FSTL5: variants seen among roughly 807,000 people sequenced by gnomAD.
FSTL5 encodes follistatin-related protein 5.
In FSTL5, 62 loss-of-function variants were observed where a neutral mutation model predicts 89.1. That is an observed-to-expected ratio of 0.70 (90% confidence interval 0.57 to 0.86). FSTL5 has a LOEUF of 0.86. Among genes scored for constraint, FSTL5 ranks in the 40% least tolerant of loss-of-function variants. The pLI is 0.00. For synonymous variants in FSTL5, 383 were observed against 346.2 expected (o/e 1.11, Z -1.18); for missense variants, 1,057 against 1,001.6 (o/e 1.06, Z -0.75).
At chr4:161,613,692 C>T (rs1734738426) in intron 7 of FSTL5, among the ~76,000 whole-genome samples, 1 of 152,122 alleles carries the variant, frequency 6.6e-6, no homozygotes, top group South Asian at 2.1e-4. Flanking sequence ...CATCTATTCA[C>T]CTGATCTTTT....
chr4:162,037,466 A>G (rs1019685000), intron 2 of FSTL5, among the ~76,000 whole-genome samples: 1 of 151,956 alleles, frequency 6.6e-6, no homozygotes, highest in African/African-American at 2.4e-5. Context: ...TCACACATAC[A>G]GCTTGGTATG....
intron 7 of FSTL5, among the ~76,000 whole-genome samples, chr4:161,646,942 T>G (rs1736174050): frequency 6.6e-6 from 1 of 152,168 alleles, no homozygotes; most frequent in South Asian, 2.1e-4. Flanking sequence ...TTTCTCTACT[T>G]CCATACATTG....
chr4:161,638,053 G>A (rs1284623846), intron 7 of FSTL5, among the ~76,000 whole-genome samples: 1 of 151,632 alleles, frequency 6.6e-6, no homozygotes, highest in East Asian at 2.0e-4. Context: ...ATTACCTTGG[G>A]CAGTATGGCC....
At chr4:161,415,673 GAGAGAGAA>G (rs1364565377) in intron 15 of FSTL5, among the ~76,000 whole-genome samples, 35 of 147,690 alleles carry the variant, frequency 2.4e-4, no homozygotes, top group African/African-American at 5.7e-4. Flanking sequence ...TAGAGAGAGA[GAGAGAGAA>G]AGAGAGAGAA....
chr4:161,872,259 T>C (rs1732297667), intron 4 of FSTL5, among the ~76,000 whole-genome samples: 1 of 150,102 alleles, frequency 6.7e-6, no homozygotes, highest in Non-Finnish European at 1.5e-5. Context: ...GCATGAGCCA[T>C]TGTGCCCAGC....
intron 1 of FSTL5, among the ~76,000 whole-genome samples, chr4:162,139,930 A>G (rs968470231): frequency 2.0e-5 from 3 of 152,178 alleles, no homozygotes; most frequent in Non-Finnish European, 1.5e-5. Flanking sequence ...TTGTATCAAC[A>G]GCATGAGATC....
chr4:162,023,309 A>G (rs559104125), intron 3 of FSTL5, among the ~76,000 whole-genome samples: 68 of 152,290 alleles, frequency 4.5e-4, no homozygotes, highest in Admixed American at 1.6e-3. Context: ...TCAACACTTA[A>G]GTCTGAATAA....
At chr4:161,711,113 A>G (rs1187701572) in intron 6 of FSTL5, among the ~76,000 whole-genome samples, 1 of 151,028 alleles carries the variant, frequency 6.6e-6, no homozygotes, top group Non-Finnish European at 1.5e-5. Flanking sequence ...TTTAATTAAT[A>G]ACCTAATCTT....
intron 4 of FSTL5, among the ~76,000 whole-genome samples, chr4:161,915,558 C>T (rs1239811875): frequency 6.6e-6 from 1 of 152,064 alleles, no homozygotes; most frequent in Non-Finnish European, 1.5e-5. Flanking sequence ...TAAGGTTTCA[C>T]ATCACCGAAT....
chr4:161,414,702 T>C (rs1731712522), intron 15 of FSTL5, among the ~76,000 whole-genome samples: 1 of 152,202 alleles, frequency 6.6e-6, no homozygotes, highest in African/African-American at 2.4e-5. Context: ...GCAAATTAAC[T>C]GGCAGTTCAT....
intron 6 of FSTL5, among the ~76,000 whole-genome samples, chr4:161,690,093 T>C (rs1398891271): frequency 6.6e-6 from 1 of 152,116 alleles, no homozygotes; most frequent in African/African-American, 2.4e-5. Flanking sequence ...GGAACATACA[T>C]AAACAAGTAT....
At chr4:161,646,885 C>T (rs2126674029) in intron 7 of FSTL5, among the ~76,000 whole-genome samples, 1 of 152,108 alleles carries the variant, frequency 6.6e-6, no homozygotes, top group South Asian at 2.1e-4. Flanking sequence ...TGTATGAGTT[C>T]TTTATTTTAA....
intron 4 of FSTL5, among the ~76,000 whole-genome samples, chr4:161,813,084 T>G (rs1377654241): frequency 6.6e-6 from 1 of 151,282 alleles, no homozygotes; most frequent in African/African-American, 2.4e-5. Flanking sequence ...TAAAGTGCAG[T>G]GACGCAATCT....
At chr4:161,746,871 C>CA (rs1420354222) in intron 6 of FSTL5, among the ~76,000 whole-genome samples, 2 of 152,234 alleles carry the variant, frequency 1.3e-5, no homozygotes, top group African/African-American at 4.8e-5. Context: ...CCCAGTCCCC[C>CA]AAATGCTTGC....
Position 161,644,771 on chromosome 4 carries a change from T to C in FSTL5, c.894+11557A>G, listed in dbSNP as rs368726606. ...TTTATGAAGACCTCTCTGGTTATAATATAAAGTGCAGGTTGAAAGCGAAGG... is the reference window on the plus strand; with the variant it reads ...TTTATGAAGACCTCTCTGGTTATAACATAAAGTGCAGGTTGAAAGCGAAGG... On this transcript the variant is annotated intron_variant, in intron 7 of 15. Transcript: ENST00000306100. Among the ~76,000 whole-genome samples, 3 of 152,270 alleles carry C rather than the reference T, an allele frequency of 2.0e-5. 1 individual carries two copies. Among genetic ancestry groups the C allele is most frequent in the Admixed American group, 6.5e-5 (1 of 15,298 alleles).
intron 8 of FSTL5, among the ~76,000 whole-genome samples, chr4:161,556,244 T>C (rs566907112): frequency 1.3e-5 from 2 of 151,710 alleles, no homozygotes; most frequent in South Asian, 4.1e-4. Flanking sequence ...AATGAAAGCA[T>C]TGCATTAGGG....
intron 5 of FSTL5, among the ~76,000 whole-genome samples, chr4:161,772,794 C>A (rs1741253748): frequency 6.6e-6 from 1 of 151,994 alleles, no homozygotes; most frequent in Admixed American, 6.6e-5. Context: ...AAATCCAATG[C>A]AATTCCCACT....
At chr4:162,137,939 T>G (rs115996053) in intron 1 of FSTL5, among the ~76,000 whole-genome samples, 2,488 of 152,156 alleles carry the variant, frequency 0.016, 27 homozygotes, top group Non-Finnish European at 0.024. Context: ...GTGAAACATA[T>G]GTCAGTGACT....
At chr4:162,096,469 G>A (rs10007788) in intron 2 of FSTL5, among the ~76,000 whole-genome samples, 35,715 of 151,506 alleles carry the variant, frequency 0.24, 5,020 homozygotes, top group East Asian at 0.41. Context: ...AGGCAATCAA[G>A]AGGGCTGGCT....
Sources: allele counts gnomAD v4.1 joint callset (sites outside exome capture counted in the v4.1 genomes callset), GRCh38; gene constraint gnomAD v4.1.1; transcripts MANE v1.5; gene names NCBI Gene and HGNC (gene_info 2026-07-23, HGNC 2026-07-21).